Variants in FLNB observed in about 807,000 individuals in gnomAD.
FLNB encodes the protein filamin B, also known as filamin-B.
A neutral mutation model predicts 250.6 loss-of-function variants in FLNB; 111 were observed. The ratio of observed to expected loss-of-function variants is 0.44; its 90% CI spans 0.38 to 0.52. The LOEUF (loss-of-function observed/expected upper bound fraction) is 0.52. FLNB is among the 20% of genes least tolerant of loss of function. The probability of loss-of-function intolerance (pLI) is 0.00; values close to 1 mark genes in which losing one functional copy is unlikely to be tolerated. For synonymous variants in FLNB, 1,302 were observed against 1,372.1 expected, an observed-to-expected ratio of 0.95 and a Z score of 1.13; for missense variants, 2,869 against 3,447.8, an observed-to-expected ratio of 0.83 and a Z score of 4.20.
chr3:58,036,175 G>A (rs138068885), intron 1 of FLNB, among the ~76,000 whole-genome samples: 3 of 152,252 alleles, frequency 2.0e-5, no homozygotes, highest in African/African-American at 4.8e-5. Flanking sequence ...TGTGCTCTTC[G>A]TCAGCTCTGG....
intron 1 of FLNB, among the ~76,000 whole-genome samples, chr3:58,031,392 G>A (rs1169637271): frequency 4.6e-5 from 7 of 151,618 alleles, no homozygotes; most frequent in Admixed American, 3.9e-4. Flanking sequence ...ACAGGCGCCC[G>A]CCACCACGCC....
chr3:58,144,487 C>T (rs1460610872), intron 32 of FLNB, among the ~76,000 whole-genome samples: 1 of 152,218 alleles, frequency 6.6e-6, no homozygotes, highest in Non-Finnish European at 1.5e-5. Context: ...CGAACCATTA[C>T]ATATTTGACC....
chr3:58,103,777 T>C (rs1167325762), intron 9 of FLNB, among the ~76,000 whole-genome samples, 182 bp from the exon 10 acceptor site: 1 of 152,202 alleles, frequency 6.6e-6, no homozygotes, highest in Non-Finnish European at 1.5e-5. Flanking sequence ...TGGCTGTGTT[T>C]TTAGCTTTGA....
intron 20 of FLNB, 124 bp from the exon 21 acceptor site, chr3:58,122,969 G>A (rs2097291615): frequency 8.0e-6 from 7 of 874,358 alleles, no homozygotes. Context: ...GACACATAAA[G>A]CCCCAAGAGA....
rs375506147 is a variant in FLNB, at chr3:58,170,546, G to T, written c.7622-29G>T. The T allele has an allele frequency of 3.1e-6, 5 of 1,606,816 alleles. No homozygotes were observed. The South Asian group carries it at 3.3e-5, about 11-fold the overall frequency. The stretch of plus-strand genomic sequence containing the variant: ...TTCCTGTGCCTGTCCTGATGCATCC[G>T]GGTGGAGTAACCACCTTTTGCCTCC... On this transcript the variant is annotated intron_variant, in intron 45 of 45. Transcript: ENST00000295956.
intron 1 of FLNB, among the ~76,000 whole-genome samples, chr3:58,041,248 T>G (rs551468794): frequency 9.9e-4 from 151 of 152,358 alleles, no homozygotes; most frequent in Non-Finnish European, 1.8e-3. Flanking sequence ...TTTATGATAT[T>G]ACAATGAGCT....
At chr3:58,146,715 A>T in intron 33 of FLNB, 105 bp from the exon 34 acceptor site, 1 of 1,208,258 alleles carries the variant, frequency 8.3e-7, no homozygotes, top group Non-Finnish European at 1.2e-6. Context: ...GCGTCAATCC[A>T]TTGTCCCCAG....
chr3:58,010,640 C>G (rs540403673), intron 1 of FLNB, among the ~76,000 whole-genome samples: 52 of 152,284 alleles, frequency 3.4e-4, no homozygotes, highest in African/African-American at 1.2e-3. Context: ...TGGATCTGTT[C>G]TTTGTTTTAA....
At chr3:58,025,672 C>T (rs2097122615) in intron 1 of FLNB, among the ~76,000 whole-genome samples, 2 of 152,298 alleles carry the variant, frequency 1.3e-5, no homozygotes, top group South Asian at 4.1e-4. Context: ...GACATTGTGG[C>T]TCATGCACTT....
At position 58,138,433 on chromosome 3, in the gene FLNB, C is replaced by T; in HGVS notation, c.5013C>T (p.Thr1671=). The change falls in exon 29 of 46, where the codon ACC becomes ACT. Residue 1671 remains threonine (T), a synonymous_variant. Transcript: ENST00000295956. ...EADVIENEDG[T]YDIFYTAAKP... ...ATGTCATTGAGAATGAAGATGGAACCTATGACATCTTCTACACAGCTGCCA... is the reference window on the plus strand; with the variant it reads ...ATGTCATTGAGAATGAAGATGGAACTTATGACATCTTCTACACAGCTGCCA... The T allele has an allele frequency of 1.2e-6, 2 of 1,614,204 alleles. No individual in the cohort carries two copies. Among genetic ancestry groups the T allele is most frequent in the South Asian group, 2.2e-5 (2 of 91,084 alleles).
At chr3:58,052,487 GTGAGTAAGACAGC>G (rs1464405998) in intron 1 of FLNB, among the ~76,000 whole-genome samples, 10 of 152,322 alleles carry the variant, frequency 6.6e-5, no homozygotes, top group African/African-American at 2.4e-4. Flanking sequence ...ACCCAGCCCG[GTGAGTAAGACAGC>G]TGAGTAAGAG....
At chr3:58,030,096 A>C (rs150470693) in intron 1 of FLNB, among the ~76,000 whole-genome samples, 1 of 152,178 alleles carries the variant, frequency 6.6e-6, no homozygotes, top group Non-Finnish European at 1.5e-5. Context: ...GGCAAAGGAG[A>C]TATCAGGTTT....
Position 58,148,789 on chromosome 3 carries a change from C to T in FLNB, c.6028C>T (p.Arg2010Cys), listed in dbSNP as rs138034708. Residue 2010 changes from arginine to cysteine, a missense_variant, in exon 36 of 46, where the codon CGC becomes TGC. Arg to Cys is a radical substitution (Grantham distance 180). Around this residue, in one of 5 missense-constraint regions of FLNB, gnomAD observed 1,084 missense variants for 1,315.5 expected, o/e 0.82. Transcript: ENST00000295956. ...CGCCCGCCGAGCCAAAGTCTATGGC[C>T]GCGGCCTGTCAGAAGGCCGGACTTT... ...GDARRAKVYG[R>C]GLSEGRTFEM... The T allele has an allele frequency of 1.4e-4, 231 of 1,614,066 alleles. No individual in the cohort carries two copies. In the Middle Eastern group the frequency reaches 2.6e-3, roughly 18 times the overall value.
chr3:58,055,326 A>G (rs1351850876), intron 1 of FLNB, among the ~76,000 whole-genome samples: 2 of 151,898 alleles, frequency 1.3e-5, no homozygotes, highest in Non-Finnish European at 2.9e-5. Context: ...TCTTCTGTAG[A>G]TGGTAGGGTA....
rs565954882 is a variant in FLNB, at chr3:58,124,730, C to T, written c.3898+225C>T. Reference sequence around the variant, plus strand: ...GGGCTGGGTTTAGCCTCAGTCTCACCTCAGCAAGTTATGGGGTAATGTCAT... The same window carrying T: ...GGGCTGGGTTTAGCCTCAGTCTCACTTCAGCAAGTTATGGGGTAATGTCAT... On this transcript the variant is annotated intron_variant, in intron 22 of 45. Coordinates refer to ENST00000295956, the MANE Select transcript of FLNB (RefSeq NM_001457.4). Among the ~76,000 whole-genome samples, 12 of 152,320 alleles carry T rather than the reference C, an allele frequency of 7.9e-5. No individual in the cohort carries two copies. In the South Asian group the frequency reaches 2.5e-3, roughly 32 times the overall value.
intron 4 of FLNB, among the ~76,000 whole-genome samples, chr3:58,086,743 T>G (rs1406559828): frequency 6.6e-6 from 1 of 152,128 alleles, no homozygotes; most frequent in Non-Finnish European, 1.5e-5. Flanking sequence ...CAGCCGGAGA[T>G]TAAATGAGAC....
chr3:58,110,218 T>C (rs2686634), intron 16 of FLNB, 48 bp downstream of exon 16: 2 of 1,589,024 alleles, frequency 1.3e-6, no homozygotes, highest in African/African-American at 1.3e-5. Context: ...GCCTGGATTC[T>C]CTTTGGCCAC....
At chr3:58,146,158 T>A in intron 33 of FLNB, 109 bp downstream of exon 33, 1 of 1,220,342 alleles carries the variant, frequency 8.2e-7, no homozygotes, top group Non-Finnish European at 1.2e-6. Flanking sequence ...TGGTAGTATT[T>A]GTCTTGTCTT....
At position 58,110,218 on chromosome 3, in the gene FLNB, T is replaced by G. The variant is rs2686634; in HGVS notation, c.2484+48T>G. The stretch of plus-strand genomic sequence containing the variant: ...AGATGGGTGGAGTAGGCCTGGATTC[T>G]CTTTGGCCACTTGTGTGCATGTCTC... On this transcript the variant is annotated intron_variant, in intron 16 of 45. Transcript: ENST00000295956. 0.074 allele frequency: 118,290 copies of G among 1,588,798 alleles called. 4,713 individuals carry two copies. The highest frequency in any genetic ancestry group is 0.08 in the Non-Finnish European group (93,043 of 1,157,136).
Sources: allele counts gnomAD v4.1 joint callset (sites outside exome capture counted in the v4.1 genomes callset), GRCh38; gene constraint gnomAD v4.1.1; regional missense constraint gnomAD v4.1.1; transcripts MANE v1.5; gene names NCBI Gene and HGNC (gene_info 2026-07-23, HGNC 2026-07-21).